CCHCR1: variants seen among roughly 807,000 people sequenced by gnomAD.
CCHCR1 encodes the protein coiled-coil alpha-helical rod protein 1.
Under a neutral mutation model 114.6 loss-of-function variants are expected in CCHCR1, and 91 were observed. The observed-to-expected ratio is 0.79, with a 90% CI of 0.67 to 0.94. The LOEUF is 0.94. Among genes scored for constraint, CCHCR1 ranks in the 40% least tolerant of loss-of-function variants. The pLI, the probability that CCHCR1 is intolerant of heterozygous loss-of-function variation, is 0.00. For synonymous variants in CCHCR1, 379 were observed against 428.5 expected, an observed-to-expected ratio of 0.88 and a Z score of 1.43; for missense variants, 899 against 1,079.9, an observed-to-expected ratio of 0.83 and a Z score of 2.35.
At chr6:31,142,920 G>C (rs1181432474) in intron 17 of CCHCR1, 43 bp downstream of exon 17, 1 of 1,589,146 alleles carries the variant, frequency 6.3e-7, no homozygotes, top group Non-Finnish European at 8.6e-7. Context: ...GATTCCTGAA[G>C]TGCGCGCATT....
At chr6:31,155,973 C>T (rs1327679481) in intron 3 of CCHCR1, among the ~76,000 whole-genome samples, 4 of 152,190 alleles carry the variant, frequency 2.6e-5, no homozygotes, top group Non-Finnish European at 4.4e-5. Context: ...GACGGAGTCT[C>T]GCTTTGTTGC....
At position 31,145,045 on chromosome 6, in the gene CCHCR1, C is replaced by T; in HGVS notation, c.1905G>A (p.Lys635=). 1 of 1,603,014 alleles carries T rather than the reference C, an allele frequency of 6.2e-7. No individual in the cohort carries two copies. Among genetic ancestry groups the T allele is most frequent in the Non-Finnish European group, 8.5e-7 (1 of 1,178,530 alleles). Residue 635 remains lysine (K), a synonymous_variant, in exon 14 of 18, where the codon AAG becomes AAA. Transcript: ENST00000396268. ...GCTCCTGCTCCAGCTGCTGGGCCAC[C>T]TTGCTCAGCTGCTGCCGCTCTGCCT... ...QGEAERQQLS[K]VAQQLEQELQ...
intron 10 of CCHCR1, among the ~76,000 whole-genome samples, 155 bp downstream of exon 10, chr6:31,148,250 G>A (rs192704776): frequency 1.3e-5 from 2 of 152,274 alleles, no homozygotes; most frequent in African/African-American, 4.8e-5. Flanking sequence ...GAAAAGAAAC[G>A]AACACAGGAA....
At position 31,150,383 on chromosome 6, in the gene CCHCR1, A is replaced by T; in HGVS notation, c.1212+72T>A. The T allele has an allele frequency of 7.2e-7, 1 of 1,398,396 alleles. No individual in the cohort carries two copies. Among genetic ancestry groups the T allele is most frequent in the Non-Finnish European group, 1.0e-6 (1 of 995,972 alleles). 86.6% of individuals were successfully genotyped at this position (1,398,396 alleles called of 1,614,324 possible). On this transcript the variant is annotated intron_variant, in intron 7 of 17. Transcript: ENST00000396268. The surrounding 1 kb of genome is among the most constrained non-coding windows in gnomAD (Gnocchi z 5.3). ...TGGGGCACATTGACCCCTCCTGCCC[A>T]CAGGGAGGGAGGCAGGGGACAGTAG...
Position 31,143,554 on chromosome 6 carries a change from G to T in CCHCR1, c.2168-141C>A. ...TCTGCTCTGTGGATCTGTCTCTTCT[G>T]TACAGTTGGAGGGGTGGGCTGATGC... On this transcript the variant is annotated intron_variant, in intron 15 of 17. Coordinates refer to ENST00000396268, the MANE Select transcript of CCHCR1 (RefSeq NM_001105564.2). This position sits in a 1 kb window ranked among gnomAD's most constrained non-coding sequence, Gnocchi z 5.3. 1.2e-6 allele frequency: 1 copy of T among 859,756 alleles called. No individual in the cohort carries two copies. The highest frequency in any genetic ancestry group is 1.8e-6 in the Non-Finnish European group (1 of 570,540). 53.3% of individuals were successfully genotyped at this position (859,756 alleles called of 1,614,324 possible).
In CCHCR1 at chr6:31,150,651, G is replaced by A. The variant is rs1775086391; in HGVS notation, c.1101+74C>T. 7 of 1,590,798 alleles carry A rather than the reference G, an allele frequency of 4.4e-6. No individual in the cohort carries two copies. Among genetic ancestry groups the A allele is most frequent in the East Asian group, 2.2e-5 (1 of 44,708 alleles). On this transcript the variant is annotated intron_variant, in intron 6 of 17. Coordinates refer to ENST00000396268, the MANE Select transcript of CCHCR1 (RefSeq NM_001105564.2). The surrounding 1 kb of genome is among the most constrained non-coding windows in gnomAD (Gnocchi z 5.3). ...CTCTCCCGGAGGCTGTGCTCTACAC[G>A]CTCCTCCAAGGGCCACGCTTGCCTC...
Position 31,154,904 on chromosome 6 carries a change from G to A in CCHCR1, c.498-105C>T, listed in dbSNP as rs970452504. 60 of 1,052,890 alleles carry A rather than the reference G, an allele frequency of 5.7e-5. 1 individual carries two copies. Among genetic ancestry groups the A allele is most frequent in the African/African-American group, 3.0e-4 (19 of 62,444 alleles). The allele number at this position is 1,052,890 out of a possible 1,614,324, so 65.2% of individuals were successfully genotyped here. ...AGGAAAAGAGGACCCCTCTGCTTCCGTGTGGGGAGGTGAAGGGGGTGCTGA... is the reference window on the plus strand; with the variant it reads ...AGGAAAAGAGGACCCCTCTGCTTCCATGTGGGGAGGTGAAGGGGGTGCTGA... On this transcript the variant is annotated intron_variant, in intron 3 of 17. Coordinates refer to ENST00000396268, the MANE Select transcript of CCHCR1 (RefSeq NM_001105564.2). The surrounding 1 kb of genome is among the most constrained non-coding windows in gnomAD (Gnocchi z 4.1).
In CCHCR1 at chr6:31,142,456, T is replaced by C; in HGVS notation, c.*136A>G. 1 of 711,440 alleles carries C rather than the reference T, an allele frequency of 1.4e-6. No individual in the cohort carries two copies. Among genetic ancestry groups the C allele is most frequent in the South Asian group, 1.9e-5 (1 of 52,060 alleles). The allele number at this position is 711,440 out of a possible 1,614,324, so 44.1% of individuals were successfully genotyped here. A position where few individuals can be genotyped will look rare whatever the true frequency, so the allele number is the denominator to read the frequency against. On this transcript the variant is annotated 3_prime_UTR_variant, in exon 18 of 18. Coordinates refer to ENST00000396268, the MANE Select transcript of CCHCR1 (RefSeq NM_001105564.2). ...ACAATGGCTCCTTCTGTAGTCGTCT[T>C]TATTTAGAGCAGAATTCAGACTCAG... is the stretch of plus-strand genomic sequence containing the variant.
At chr6:31,145,575 G>C (rs777091480) in intron 11 of CCHCR1, 82 bp from the exon 12 acceptor site, 98 of 1,482,402 alleles carry the variant, frequency 6.6e-5, no homozygotes, top group Non-Finnish European at 7.9e-5. Flanking sequence ...AAAAAGAGAT[G>C]CAAGGACTGG....
intron 12 of CCHCR1, 36 bp from the exon 13 acceptor site, chr6:31,145,338 C>T (rs373494023): frequency 1.0e-4 from 169 of 1,612,766 alleles, no homozygotes; most frequent in Non-Finnish European, 1.4e-4. Flanking sequence ...GAAGAAATCA[C>T]CCAGCTGCCT....
intron 8 of CCHCR1, 133 bp from the exon 9 acceptor site, chr6:31,148,861 C>CAAAG: frequency 7.3e-5 from 2 of 27,462 alleles, no homozygotes; most frequent in Non-Finnish European, 1.4e-4. Context: ...GGGCGGGCGA[C>CAAAG]GGGGGTGGGT....
chr6:31,150,401 G>C lies in CCHCR1; in HGVS notation c.1212+54C>G. 6.7e-7 allele frequency: 1 copy of C among 1,485,780 alleles called. No individual in the cohort carries two copies. The highest frequency in any genetic ancestry group is 1.2e-5 in the South Asian group (1 of 85,786). The allele number at this position is 1,485,780 out of a possible 1,614,324, so 92.0% of individuals were successfully genotyped here. ...CCTGCCCACAGGGAGGGAGGCAGGG[G>C]ACAGTAGATGCAGGATGCGGCTGAG... On this transcript the variant is annotated intron_variant, in intron 7 of 17. Transcript: ENST00000396268. The surrounding 1 kb of genome is among the most constrained non-coding windows in gnomAD (Gnocchi z 5.3).
At chr6:31,153,157 T>A (rs1332624232) in intron 4 of CCHCR1, among the ~76,000 whole-genome samples, 1 of 151,958 alleles carries the variant, frequency 6.6e-6, no homozygotes, top group East Asian at 1.9e-4. Context: ...TTTTTGTATT[T>A]TTTTGTAGAG....
intron 1 of CCHCR1, 65 bp from the exon 2 acceptor site, chr6:31,157,154 C>T: frequency 2.3e-6 from 3 of 1,329,010 alleles, no homozygotes; most frequent in Non-Finnish European, 3.2e-6. Flanking sequence ...AAGAGAAAGC[C>T]CCTACAATAA....
At chr6:31,145,568 AAG>A in intron 11 of CCHCR1, 75 bp from the exon 12 acceptor site, 2 of 1,498,336 alleles carry the variant, frequency 1.3e-6, no homozygotes, top group East Asian at 4.5e-5. Flanking sequence ...GTAAGGGAAA[AAG>A]AGATGCAAGG....
chr6:31,157,747 C>T lies in CCHCR1; in HGVS notation c.-147G>A. ...ACTATCCCCTTAGCTTCCATGCCTG[C>T]TGCCCGCCTCCTCTTTCTCGAGTCC... On this transcript the variant is annotated 5_prime_UTR_variant, in exon 1 of 18. Transcript: ENST00000396268. The T allele has an allele frequency of 1.6e-6, 1 of 641,966 alleles. No individual in the cohort carries two copies. The highest frequency in any genetic ancestry group is 2.7e-6 in the Non-Finnish European group (1 of 373,238). The allele number at this position is 641,966 out of a possible 1,614,324, so 39.8% of individuals were successfully genotyped here.
chr6:31,148,553 C>T, intron 9 of CCHCR1, 42 bp from the exon 10 acceptor site: 1 of 1,597,012 alleles, frequency 6.3e-7, no homozygotes, highest in South Asian at 1.1e-5. Context: ...TCCCTAAGTC[C>T]TGGCTGCAGC....
intron 13 of CCHCR1, 40 bp from the exon 14 acceptor site, chr6:31,145,113 C>T (rs766390211): frequency 2.5e-6 from 4 of 1,604,888 alleles, no homozygotes; most frequent in Non-Finnish European, 3.4e-6. Context: ...CTCCCAGCAC[C>T]CTAGACACCG....
chr6:31,150,199 G>C lies in CCHCR1; in HGVS notation c.1229C>G (p.Ser410Cys). 1.2e-6 allele frequency: 2 copies of C among 1,614,186 alleles called. No individual in the cohort carries two copies. The highest frequency in any genetic ancestry group is 1.1e-5 in the South Asian group (1 of 91,088). Residue 410 changes from serine to cysteine, a missense_variant, in exon 8 of 18, where the codon TCC becomes TGC. Ser to Cys is a moderately radical substitution (Grantham distance 112). Coordinates refer to ENST00000396268, the MANE Select transcript of CCHCR1 (RefSeq NM_001105564.2). The surrounding 1 kb of genome is among the most constrained non-coding windows in gnomAD (Gnocchi z 5.3). ...CTTCCTGGTAAACTCAGGCTCCAGG[G>C]AATCTGAAGGTTGAACCTGAGGGAG... ...ELTRKVQPSD[S>C]LEPEFTRKCQ...
Sources: gnomAD v4.1 joint callset for allele counts (sites outside exome capture counted in the v4.1 genomes callset) on GRCh38, gnomAD v4.1.1 for gene constraint, Gnocchi (gnomAD v3.1) non-coding constraint, MANE v1.5 for transcripts, NCBI Gene and HGNC (gene_info 2026-07-23, HGNC 2026-07-21) for gene names.